The following ATP2B1 variants were observed in gnomAD, a reference collection of about 807,000 sequenced individuals.
The protein encoded by ATP2B1 is ATPase plasma membrane Ca2+ transporting 1, also known as plasma membrane calcium-transporting ATPase 1.
ATP2B1 carries 14 observed loss-of-function variants against 124.2 expected under a neutral mutation model. That is an observed-to-expected ratio of 0.11 (90% confidence interval 0.07 to 0.18). ATP2B1 has a LOEUF of 0.18. Among genes scored for constraint, ATP2B1 ranks in the 10% least tolerant of loss-of-function variants. The probability of loss-of-function intolerance (pLI) is 1.00; values close to 1 mark genes in which losing one functional copy is unlikely to be tolerated. For missense variants in ATP2B1, 763 were observed against 1,466.1 expected, an observed-to-expected ratio of 0.52 and a Z score of 7.83; for synonymous variants, 449 against 492.4, an observed-to-expected ratio of 0.91 and a Z score of 1.17.
At chr12:89,665,523 A>G (rs975373648) in intron 1 of ATP2B1, among the ~76,000 whole-genome samples, 1 of 152,204 alleles carries the variant, frequency 6.6e-6, no homozygotes, top group African/African-American at 2.4e-5. Flanking sequence ...TAGTAAAATA[A>G]GCTTTTGAAA....
chr12:89,633,825 A>G (rs1882279122), intron 5 of ATP2B1, among the ~76,000 whole-genome samples: 1 of 152,142 alleles, frequency 6.6e-6, no homozygotes, highest in South Asian at 2.1e-4. Flanking sequence ...TACATGTAGA[A>G]GGCTACATTT....
At position 89,599,200 on chromosome 12, in the gene ATP2B1, C is replaced by A; in HGVS notation, c.3268G>T (p.Val1090Phe). Residue 1090 changes from valine (V) to phenylalanine (F), a missense_variant, in exon 20 of 21, where the codon GTT (valine) becomes TTT (phenylalanine). Physicochemically the swap from Val to Phe is conservative, Grantham distance 50 (BLOSUM62 -1). Around this residue, in one of 7 missense-constraint regions of ATP2B1, gnomAD observed 118 missense variants for 240.3 expected, o/e 0.49. Transcript: ENST00000428670. The part of the protein sequence containing the change: ...EIPEEELAED[V>F]EEIDHAEREL... ...CTTTCAGCGTGATCAATCTCTTCAA[C>A]ATCCTCTGCTAATTCCTCCTCAGGT... 1 of 1,614,228 alleles carries A rather than the reference C, an allele frequency of 6.2e-7. No homozygotes were observed. The highest frequency in any genetic ancestry group is 8.5e-7 in the Non-Finnish European group (1 of 1,180,030).
chr12:89,604,071 A>G (rs1876382967), intron 16 of ATP2B1, 84 bp downstream of exon 16: 1 of 1,441,042 alleles, frequency 6.9e-7, no homozygotes, highest in Non-Finnish European at 9.4e-7. Context: ...GCTTCAGCTT[A>G]AATATTAAGT....
chr12:89,628,180 A>C (rs994413205), intron 6 of ATP2B1, among the ~76,000 whole-genome samples: 1 of 151,870 alleles, frequency 6.6e-6, no homozygotes, highest in Non-Finnish European at 1.5e-5. Flanking sequence ...AGGTGGGTGG[A>C]TCATCTGAGG....
At chr12:89,680,882 C>T (rs1044576130) in intron 1 of ATP2B1, among the ~76,000 whole-genome samples, 8 of 152,036 alleles carry the variant, frequency 5.3e-5, no homozygotes, top group African/African-American at 1.9e-4. Flanking sequence ...ACTTCAAAAA[C>T]ATACAAAGAA....
intron 14 of ATP2B1, 143 bp downstream of exon 14, chr12:89,610,278 G>A (rs1877748784): frequency 2.5e-6 from 2 of 789,672 alleles, no homozygotes; most frequent in South Asian, 1.8e-5. Flanking sequence ...ATTTACCTAA[G>A]GTATCAAAGG....
At chr12:89,702,867 T>C (rs1892015918) in intron 1 of ATP2B1, among the ~76,000 whole-genome samples, 1 of 152,102 alleles carries the variant, frequency 6.6e-6, no homozygotes, top group Non-Finnish European at 1.5e-5. Context: ...AAACACCACA[T>C]ACGATTTGGA....
intron 2 of ATP2B1, among the ~76,000 whole-genome samples, chr12:89,653,295 T>C (rs968717224): frequency 3.3e-4 from 46 of 139,302 alleles, no homozygotes; most frequent in Non-Finnish European, 5.7e-4. Flanking sequence ...TTTTTTTTTT[T>C]TTTTTTTTTT....
intron 15 of ATP2B1, among the ~76,000 whole-genome samples, chr12:89,605,380 TATC>T (rs1876636018): frequency 6.6e-6 from 1 of 152,172 alleles, no homozygotes; most frequent in African/African-American, 2.4e-5. Flanking sequence ...TATGGATTAA[TATC>T]ATTATTTTGG....
Position 89,630,658 on chromosome 12 carries a change from A to G in ATP2B1, c.788-13T>C. On this transcript the variant is annotated splice_polypyrimidine_tract_variant and intron_variant, in intron 5 of 20. Coordinates refer to ENST00000428670, the MANE Select transcript of ATP2B1 (RefSeq NM_001366521.1). ...ATTACATGAGTACCTATAACCAAAAACATAGTTTGTTTTTAAAAATACTGA... is the reference window on the plus strand; with the variant it reads ...ATTACATGAGTACCTATAACCAAAAGCATAGTTTGTTTTTAAAAATACTGA... 1 of 1,442,320 alleles carries G rather than the reference A, an allele frequency of 6.9e-7. No homozygotes were observed. The highest frequency in any genetic ancestry group is 9.2e-7 in the Non-Finnish European group (1 of 1,092,830). 89.3% of individuals were successfully genotyped at this position (1,442,320 alleles called of 1,614,324 possible).
At chr12:89,694,662 T>C in intron 1 of ATP2B1, among the ~76,000 whole-genome samples, 1 of 152,142 alleles carries the variant, frequency 6.6e-6, no homozygotes, top group Non-Finnish European at 1.5e-5. Flanking sequence ...ATAGCCTGGC[T>C]TGCTACCTAG....
chr12:89,642,142 C>T lies in ATP2B1; in HGVS notation c.406+16G>A. 1 of 1,588,784 alleles carries T rather than the reference C, an allele frequency of 6.3e-7. No homozygotes were observed. The highest frequency in any genetic ancestry group is 8.6e-7 in the Non-Finnish European group (1 of 1,164,832). ...AACTAGCATCAGACATGTCTTTTTTCCCCCCATTTACTTACGTGCATTATC... is the reference window on the plus strand; with the variant it reads ...AACTAGCATCAGACATGTCTTTTTTTCCCCCATTTACTTACGTGCATTATC... On this transcript the variant is annotated intron_variant, in intron 3 of 20. Transcript: ENST00000428670.
At chr12:89,629,101 A>C (rs943851369) in intron 6 of ATP2B1, among the ~76,000 whole-genome samples, 15 of 152,212 alleles carry the variant, frequency 9.9e-5, no homozygotes, top group African/African-American at 2.9e-4. Context: ...GGGGGAAAAG[A>C]AGCTTACTGG....
At chr12:89,707,108 G>C (rs1892548878) in intron 1 of ATP2B1, among the ~76,000 whole-genome samples, 2 of 152,044 alleles carry the variant, frequency 1.3e-5, no homozygotes, top group African/African-American at 4.8e-5. Flanking sequence ...CAAATGAAAC[G>C]CACAAGTACA....
Position 89,661,232 on chromosome 12 carries a change from T to C in ATP2B1, c.-221-5125A>G, listed in dbSNP as rs1886657774. Among the ~76,000 whole-genome samples, 3 of 152,196 alleles carry C rather than the reference T, an allele frequency of 2.0e-5. No individual in the cohort carries two copies. In the South Asian group the frequency reaches 6.2e-4, roughly 32 times the overall value. On this transcript the variant is annotated intron_variant, in intron 1 of 20. Transcript: ENST00000428670. ...TATTCCCCGGACCCAAATATACTAA[T>C]ATGATACCTTAATCAGAGTAATTAC...
chr12:89,606,321 T>C (rs1417663991), intron 15 of ATP2B1, among the ~76,000 whole-genome samples: 1 of 152,168 alleles, frequency 6.6e-6, no homozygotes, highest in Non-Finnish European at 1.5e-5. Flanking sequence ...TTCAGAGATA[T>C]AAAGGTACAT....
chr12:89,690,033 T>A (rs891183572), intron 1 of ATP2B1, among the ~76,000 whole-genome samples: 16 of 152,094 alleles, frequency 1.1e-4, no homozygotes. Context: ...ACCCCAGTTA[T>A]GAACTTTCTG....
In ATP2B1 at chr12:89,604,155, T is replaced by G; in HGVS notation, c.2634A>C (p.Gln878His). The G allele has an allele frequency of 6.2e-7, 1 of 1,613,054 alleles. No individual in the cohort carries two copies. The highest frequency in any genetic ancestry group is 8.5e-7 in the Non-Finnish European group (1 of 1,179,706). The change falls in exon 16 of 21, where the codon CAA (glutamine) becomes CAC (histidine). Residue 878 changes from glutamine to histidine, a missense_variant and splice_region_variant. This residue lies in a region of ATP2B1 where 51 missense variants were observed against 192.8 expected (regional missense o/e 0.26). Coordinates refer to ENST00000428670, the MANE Select transcript of ATP2B1 (RefSeq NM_001366521.1). ...TTTTGATAGACAAGTCATCACCTAC[T>G]TGAGTAATGCAGGCGCCCGTAAAAG... Reference protein sequence around the residue: ...IVAFTGACITQDSPLKAVQML... With the variant: ...IVAFTGACITHDSPLKAVQML...
intron 3 of ATP2B1, among the ~76,000 whole-genome samples, chr12:89,640,442 G>C (rs561132661): frequency 6.6e-6 from 1 of 152,086 alleles, no homozygotes; most frequent in Admixed American, 6.6e-5. Flanking sequence ...AATGAATATT[G>C]TGACAAATAA....
Sources: gnomAD v4.1 joint callset for allele counts (sites outside exome capture counted in the v4.1 genomes callset) on GRCh38, gnomAD v4.1.1 for gene constraint, gnomAD v4.1.1 regional missense constraint, MANE v1.5 for transcripts, NCBI Gene and HGNC (gene_info 2026-07-23, HGNC 2026-07-21) for gene names.